The following CRY1 variants were observed in gnomAD, a reference collection of about 807,000 sequenced individuals.
The protein encoded by CRY1 is cryptochrome-1.
Under a neutral mutation model 76.0 loss-of-function variants are expected in CRY1, and 45 were observed. The observed-to-expected ratio is 0.59, with a 90% CI of 0.47 to 0.76. The LOEUF (loss-of-function observed/expected upper bound fraction) is 0.76, where lower values mean the gene tolerates loss of function less well. Among genes scored for constraint, CRY1 ranks in the 30% least tolerant of loss-of-function variants. The probability of loss-of-function intolerance (pLI) is 0.00; values close to 1 mark genes in which losing one functional copy is unlikely to be tolerated. For synonymous variants in CRY1, 248 were observed against 244.0 expected, an observed-to-expected ratio of 1.02 and a Z score of -0.15; for missense variants, 587 against 716.4, an observed-to-expected ratio of 0.82 and a Z score of 2.06.
chr12:107,073,779 C>T (rs1953219666), intron 1 of CRY1, among the ~76,000 whole-genome samples: 1 of 152,034 alleles, frequency 6.6e-6, no homozygotes, highest in Non-Finnish European at 1.5e-5. Flanking sequence ...CTATATGCTC[C>T]TCTTTCAGTA....
chr12:107,020,908 T>C (rs1373792406), intron 2 of CRY1, among the ~76,000 whole-genome samples: 1 of 152,158 alleles, frequency 6.6e-6, no homozygotes, highest in African/African-American at 2.4e-5. Flanking sequence ...GCCTAATTTT[T>C]TCATTTGGAA....
chr12:107,006,641 T>G (rs1255383795), intron 2 of CRY1, among the ~76,000 whole-genome samples: 1 of 150,416 alleles, frequency 6.6e-6, no homozygotes, highest in Admixed American at 6.6e-5. Context: ...TAGTAATCTT[T>G]TTTTTTTTTT....
In CRY1 at chr12:107,042,417, G is replaced by C. The variant is rs145941000; in HGVS notation, c.159-20225C>G. Among the ~76,000 whole-genome samples the C allele has an allele frequency of 8.7e-4, 132 of 152,168 alleles. No individual in the cohort carries two copies. The East Asian group carries it at 0.024, about 28-fold the overall frequency. ...GACATTAACTGAAACACATGATCAA[G>C]GTTAGTATCATTTGTAACAAGACAT... On this transcript the variant is annotated intron_variant, in intron 1 of 12. Coordinates refer to ENST00000008527, the MANE Select transcript of CRY1 (RefSeq NM_004075.5).
intron 2 of CRY1, among the ~76,000 whole-genome samples, chr12:107,009,554 AC>A (rs1593499482): frequency 3.3e-5 from 2 of 59,858 alleles, no homozygotes; most frequent in South Asian, 7.2e-4. Flanking sequence ...AAACAAAAAA[AC>A]AAAAAAACAT....
At chr12:107,011,828 T>C (rs1952446800) in intron 2 of CRY1, among the ~76,000 whole-genome samples, 3 of 152,226 alleles carry the variant, frequency 2.0e-5, no homozygotes, top group Non-Finnish European at 4.4e-5. Context: ...ACTACAGATT[T>C]TCAGTGTTGA....
chr12:107,092,076 C>T (rs948923285), intron 1 of CRY1, among the ~76,000 whole-genome samples: 1 of 152,180 alleles, frequency 6.6e-6, no homozygotes, highest in Admixed American at 6.5e-5. Flanking sequence ...CAGTGCCTGG[C>T]ACATGCTAAG....
At chr12:106,995,144 A>G (rs1343843739) in intron 10 of CRY1, among the ~76,000 whole-genome samples, 1 of 152,160 alleles carries the variant, frequency 6.6e-6, no homozygotes, top group African/African-American at 2.4e-5. Flanking sequence ...TAAGTTACCT[A>G]ATCTTTCTAG....
chr12:107,093,299 A>C lies in CRY1; in HGVS notation c.-338T>G. 4.1e-6 allele frequency: 1 copy of C among 246,028 alleles called. No homozygotes were observed. The highest frequency in any genetic ancestry group is 7.8e-6 in the Non-Finnish European group (1 of 128,494). 15.2% of individuals were successfully genotyped at this position (246,028 alleles called of 1,614,324 possible). Reference sequence around the variant, plus strand: ...AGTTCCAGGAGCTCGAGCCGCCACGACGGCCCGAGCCGGCACGGACGGCCC... The same window carrying C: ...AGTTCCAGGAGCTCGAGCCGCCACGCCGGCCCGAGCCGGCACGGACGGCCC... On this transcript the variant is annotated 5_prime_UTR_variant, in exon 1 of 13. Coordinates refer to ENST00000008527, the MANE Select transcript of CRY1 (RefSeq NM_004075.5).
At chr12:107,077,367 C>T (rs1953269412) in intron 1 of CRY1, among the ~76,000 whole-genome samples, 1 of 152,164 alleles carries the variant, frequency 6.6e-6, no homozygotes, top group African/African-American at 2.4e-5. Flanking sequence ...CTTTGTATCT[C>T]CAATGACTTG....
At chr12:107,041,196 A>C (rs1952795141) in intron 1 of CRY1, among the ~76,000 whole-genome samples, 1 of 152,002 alleles carries the variant, frequency 6.6e-6, no homozygotes, top group Non-Finnish European at 1.5e-5. Context: ...TTGGGCGTTT[A>C]CTCAGGATAC....
chr12:107,012,745 T>C (rs993401033), intron 2 of CRY1, among the ~76,000 whole-genome samples: 1 of 152,168 alleles, frequency 6.6e-6, no homozygotes, highest in Non-Finnish European at 1.5e-5. Flanking sequence ...ATAAGAACAC[T>C]TGTGATTCAT....
At chr12:107,054,800 A>C (rs532170601) in intron 1 of CRY1, among the ~76,000 whole-genome samples, 1 of 152,188 alleles carries the variant, frequency 6.6e-6, no homozygotes, top group African/African-American at 2.4e-5. Context: ...TAATCATCTA[A>C]ATATATACAT....
intron 1 of CRY1, among the ~76,000 whole-genome samples, chr12:107,038,448 T>C (rs1395964088): frequency 6.6e-6 from 1 of 152,128 alleles, no homozygotes; most frequent in Non-Finnish European, 1.5e-5. Context: ...GATAGATGTA[T>C]GTATTCTCAG....
intron 1 of CRY1, among the ~76,000 whole-genome samples, chr12:107,033,356 G>T (rs1480695146): frequency 6.6e-6 from 1 of 151,990 alleles, no homozygotes; most frequent in Non-Finnish European, 1.5e-5. Flanking sequence ...TTTTTACAAA[G>T]GATTCCAATC....
At chr12:107,063,181 C>T (rs538907356) in intron 1 of CRY1, among the ~76,000 whole-genome samples, 1 of 152,124 alleles carries the variant, frequency 6.6e-6, no homozygotes, top group South Asian at 2.1e-4. Flanking sequence ...ATGCAGTGTA[C>T]ACAAATGGAA....
chr12:107,001,329 C>T lies in CRY1; in HGVS notation c.635G>A (p.Gly212Asp), dbSNP rs751759108. 2.5e-6 allele frequency: 4 copies of T among 1,613,770 alleles called. No homozygotes were observed. Among genetic ancestry groups the T allele is most frequent in the Non-Finnish European group, 2.5e-6 (3 of 1,179,816 alleles). ...TDGLSSAVWP[G>D]GETEALTRLE... ...ACGAGTAAGTGCTTCAGTTTCTCCA[C>T]CTGGCCACACTGCAGAGGATAAGCC... Residue 212 changes from glycine (G) to aspartate (D), a missense_variant, in exon 5 of 13, where the codon GGT becomes GAT. Coordinates refer to ENST00000008527, the MANE Select transcript of CRY1 (RefSeq NM_004075.5).
intron 1 of CRY1, among the ~76,000 whole-genome samples, chr12:107,022,863 A>C: frequency 6.6e-6 from 1 of 151,830 alleles, no homozygotes; most frequent in Non-Finnish European, 1.5e-5. Context: ...AAAAAAAAGA[A>C]AAGGTTTCAT....
intron 1 of CRY1, among the ~76,000 whole-genome samples, chr12:107,057,887 C>T (rs925006456): frequency 1.3e-5 from 2 of 150,564 alleles, no homozygotes; most frequent in African/African-American, 4.9e-5. Flanking sequence ...AGTGAGACGC[C>T]GTCTCTCCAA....
intron 1 of CRY1, among the ~76,000 whole-genome samples, chr12:107,037,149 G>A (rs1478168440): frequency 2.0e-5 from 3 of 152,110 alleles, no homozygotes; most frequent in Non-Finnish European, 4.4e-5. Context: ...AGATAACAGA[G>A]AAAACAGAAC....
Sources: gnomAD v4.1 joint callset for allele counts (sites outside exome capture counted in the v4.1 genomes callset) on GRCh38, gnomAD v4.1.1 for gene constraint, MANE v1.5 for transcripts, NCBI Gene and HGNC (gene_info 2026-07-23, HGNC 2026-07-21) for gene names.